Variants in TEX11 observed in about 807,000 individuals in gnomAD.
TEX11 encodes the protein testis expressed 11, also known as testis-expressed protein 11.
In TEX11, 7 loss-of-function variants were observed where a neutral mutation model predicts 84.4. That is an observed-to-expected ratio of 0.08 (90% CI 0.05 to 0.16). TEX11 has a LOEUF of 0.16. Ranked by LOEUF, TEX11 falls within the 10% of genes least tolerant of loss-of-function variation. TEX11 has a pLI of 1.00. For synonymous variants in TEX11, 264 were observed against 222.8 expected, an observed-to-expected ratio of 1.18 and a Z score of -1.64; for missense variants, 551 against 660.5, an observed-to-expected ratio of 0.83 and a Z score of 1.82.
chrX:70,729,357 C>A (rs1025357061), intron 11 of TEX11, among the ~76,000 whole-genome samples: 1 of 111,645 alleles, frequency 9.0e-6, no homozygotes, highest in South Asian at 3.8e-4. Flanking sequence ...GATTAAACTA[C>A]GCCAAGCTAA....
chrX:70,602,131 C>A (rs1040125753), intron 24 of TEX11, among the ~76,000 whole-genome samples: 1 of 112,124 alleles, frequency 8.9e-6, no homozygotes, highest in East Asian at 2.8e-4. Flanking sequence ...AAGCGCCCCT[C>A]ACCTCCTGGA....
chrX:70,665,855 T>C (rs952096456), intron 16 of TEX11, among the ~76,000 whole-genome samples: 3 of 112,170 alleles, frequency 2.7e-5, no homozygotes, highest in South Asian at 3.7e-4. Flanking sequence ...TTTTTAATAA[T>C]ATAATCTCAT....
At chrX:70,652,717 A>G (rs1264510215) in intron 16 of TEX11, among the ~76,000 whole-genome samples, 1 of 111,831 alleles carries the variant, frequency 8.9e-6, no homozygotes, top group Non-Finnish European at 1.9e-5. Flanking sequence ...GAAAAACCCA[A>G]TTACCCAAAT....
chrX:70,646,182 C>A (rs1160775082), intron 17 of TEX11, among the ~76,000 whole-genome samples: 1 of 112,170 alleles, frequency 8.9e-6, no homozygotes, highest in Admixed American at 9.5e-5. Flanking sequence ...AGGACAGTTT[C>A]TTCAACCAAT....
In TEX11 at chrX:70,534,026, A is replaced by G. The variant is rs1421685002; in HGVS notation, c.2521-4027T>C. Reference sequence around the variant, plus strand: ...GGAATCGCTTGAACCTGGGAGGCAGAGGTTGCAGTGAGCCGAGATTGCACC... The same window carrying G: ...GGAATCGCTTGAACCTGGGAGGCAGGGGTTGCAGTGAGCCGAGATTGCACC... On this transcript the variant is annotated intron_variant, in intron 28 of 29. Coordinates refer to ENST00000374333, the MANE Select transcript of TEX11 (RefSeq NM_031276.3). Among the ~76,000 whole-genome samples the G allele has an allele frequency of 7.5e-5, 7 of 92,772 alleles. No homozygotes were observed. The East Asian group carries it at 2.8e-3, about 37-fold the overall frequency. 80.6% of individuals were successfully genotyped at this position (92,772 alleles called of 115,157 possible). A position where few individuals can be genotyped will look rare whatever the true frequency, so the allele number is the denominator to read the frequency against.
intron 11 of TEX11, among the ~76,000 whole-genome samples, chrX:70,729,197 C>T (rs1359694747): frequency 9.3e-6 from 1 of 108,046 alleles, no homozygotes; most frequent in Non-Finnish European, 1.9e-5. Flanking sequence ...GTAGATAAAA[C>T]CACAAAGATG....
At chrX:70,568,882 T>C (rs1463459141) in intron 25 of TEX11, among the ~76,000 whole-genome samples, 1 of 110,539 alleles carries the variant, frequency 9.0e-6, no homozygotes, top group African/African-American at 3.3e-5. Context: ...CAATTATGTG[T>C]CTTGGAGTTG....
At chrX:70,521,290 T>A in the TEX11 span, among the ~76,000 whole-genome samples, 1 of 110,752 alleles carries the variant, frequency 9.0e-6, no homozygotes, top group African/African-American at 3.3e-5. Context: ...TTTTTTTTTT[T>A]CTTTTTGAAA....
chrX:70,810,647 G>A (rs935440141), intron 8 of TEX11, among the ~76,000 whole-genome samples: 1 of 110,743 alleles, frequency 9.0e-6, no homozygotes, highest in Admixed American at 9.7e-5. Flanking sequence ...CTGTTGAGGG[G>A]TGAGGAGGTA....
rs776254408 is a variant in TEX11, at chrX:70,871,179, C to T, written c.244+2044G>A. ...CCACTCACCTAGGCCTCCCAAAGTG[C>T]TGGGATTATAGGCGTGAGCCACCGC... is the stretch of plus-strand genomic sequence containing the variant. On this transcript the variant is annotated intron_variant, in intron 4 of 29. Transcript: ENST00000374333. Among the ~76,000 whole-genome samples the T allele has an allele frequency of 4.6e-4, 52 of 112,792 alleles. No individual in the cohort carries two copies. The South Asian group carries it at 9.1e-3, about 20-fold the overall frequency.
At chrX:70,542,383 A>G (rs1356830485) in intron 28 of TEX11, among the ~76,000 whole-genome samples, 1 of 111,309 alleles carries the variant, frequency 9.0e-6, no homozygotes, top group Non-Finnish European at 1.9e-5. Flanking sequence ...AATTTCTGTT[A>G]TTTATGATCC....
chrX:70,884,013 T>C (rs2091696129), intron 2 of TEX11, among the ~76,000 whole-genome samples: 2 of 112,024 alleles, frequency 1.8e-5, no homozygotes, highest in Non-Finnish European at 3.8e-5. Flanking sequence ...AAGATTTTAC[T>C]CCAAGTCACA....
chrX:70,578,764 C>CT (rs869110075), intron 25 of TEX11, among the ~76,000 whole-genome samples: 819 of 50,109 alleles, frequency 0.016, 17 homozygotes, highest in Non-Finnish European at 0.022. Context: ...AGTTGAACTT[C>CT]TTTTTTTTTT....
At chrX:70,780,525 AG>A (rs774850524) in intron 9 of TEX11, among the ~76,000 whole-genome samples, 31 of 112,046 alleles carry the variant, frequency 2.8e-4, no homozygotes, top group Non-Finnish European at 5.3e-4. Flanking sequence ...GGGGAAGCAC[AG>A]GGGGTCTGAG....
chrX:70,609,096 T>C lies in TEX11; in HGVS notation c.1874A>G (p.Lys625Arg). ...SRANEAQWFR[K>R]TAWNLAVQCD... Reference sequence around the variant, plus strand: ...GCCACAGAATTTCCTCTTACCTGTTTTTCGAAACCACTGAGCTTCATTAGC... The same window carrying C: ...GCCACAGAATTTCCTCTTACCTGTTCTTCGAAACCACTGAGCTTCATTAGC... The change falls in exon 22 of 30, where the codon AAA becomes AGA. Residue 625 changes from lysine (K) to arginine (R), a missense_variant. By Grantham distance (26) the Lys-to-Arg change is conservative. Transcript: ENST00000374333. 8.3e-7 allele frequency: 1 copy of C among 1,201,768 alleles called. No homozygotes were observed. Among genetic ancestry groups the C allele is most frequent in the East Asian group, 3.0e-5 (1 of 33,536 alleles).
At chrX:70,610,621 G>A (rs1199215862) in intron 20 of TEX11, 78 bp from the exon 21 acceptor site, 17 of 1,019,416 alleles carry the variant, frequency 1.7e-5, no homozygotes, top group African/African-American at 7.6e-5. Context: ...GACACTATTT[G>A]TGCCTGAGAA....
chrX:70,809,336 G>C (rs1440639119), intron 8 of TEX11, among the ~76,000 whole-genome samples: 1 of 111,615 alleles, frequency 9.0e-6, no homozygotes, highest in African/African-American at 3.2e-5. Flanking sequence ...AAGTAATCAT[G>C]GTACTTTATA....
At chrX:70,811,521 A>C (rs769152123) in intron 8 of TEX11, among the ~76,000 whole-genome samples, 1 of 111,953 alleles carries the variant, frequency 8.9e-6, no homozygotes, top group South Asian at 3.8e-4. Flanking sequence ...CATGATTTAT[A>C]ATCTTTTGGG....
At chrX:70,761,045 C>T (rs752338830) in intron 9 of TEX11, among the ~76,000 whole-genome samples, 1 of 111,917 alleles carries the variant, frequency 8.9e-6, no homozygotes, top group Non-Finnish European at 1.9e-5. Context: ...AAATGCAAAT[C>T]GAAACCACAA....
Sources: allele counts gnomAD v4.1 joint callset (sites outside exome capture counted in the v4.1 genomes callset), GRCh38; gene constraint gnomAD v4.1.1; transcripts MANE v1.5; gene names NCBI Gene and HGNC (gene_info 2026-07-23, HGNC 2026-07-21).